The following CUX1 variants were observed in gnomAD, a reference collection of about 807,000 sequenced individuals.
CUX1 encodes the protein cut like homeobox 1.
In CUX1, 31 loss-of-function variants were observed where a neutral mutation model predicts 158.8. The observed-to-expected ratio is 0.20, with a 90% confidence interval of 0.15 to 0.26. CUX1 has a LOEUF of 0.26. Ranked by LOEUF, CUX1 falls within the 10% of genes least tolerant of loss-of-function variation. The pLI, the probability that CUX1 is intolerant of heterozygous loss-of-function variation, is 1.00. For synonymous variants in CUX1, 879 were observed against 862.1 expected (o/e 1.02, Z -0.34); for missense variants, 1,589 against 2,014.6 (o/e 0.79, Z 4.04).
At chr7:102,079,581 C>G (rs1554477869) in intron 4 of CUX1, among the ~76,000 whole-genome samples, 44 of 152,250 alleles carry the variant, frequency 2.9e-4, no homozygotes, top group Non-Finnish European at 1.5e-5. Context: ...TGTACGGTGA[C>G]TCCAGTCCAC....
chr7:102,185,095 G>A (rs1421656201), intron 11 of CUX1, among the ~76,000 whole-genome samples: 1 of 152,198 alleles, frequency 6.6e-6, no homozygotes, highest in African/African-American at 2.4e-5. Flanking sequence ...GACCCTGGGA[G>A]GTGACAGGCT....
chr7:101,845,826 T>A (rs1050197922), intron 1 of CUX1, among the ~76,000 whole-genome samples: 16 of 152,044 alleles, frequency 1.1e-4, no homozygotes, highest in African/African-American at 3.9e-4. Flanking sequence ...CTGGCCAACG[T>A]GGTAAAACCC....
intron 9 of CUX1, among the ~76,000 whole-genome samples, chr7:102,167,604 C>T (rs1389226529): frequency 6.6e-6 from 1 of 152,212 alleles, no homozygotes; most frequent in African/African-American, 2.4e-5. Context: ...GAAATATCTC[C>T]AAATACATCT....
At chr7:102,127,293 A>G (rs868918614) in intron 8 of CUX1, among the ~76,000 whole-genome samples, 1 of 151,952 alleles carries the variant, frequency 6.6e-6, no homozygotes, top group African/African-American at 2.4e-5. Context: ...TGCAGCCTCC[A>G]ACTCCTGGGC....
chr7:102,079,832 C>T (rs1312131061), intron 4 of CUX1, among the ~76,000 whole-genome samples: 1 of 152,192 alleles, frequency 6.6e-6, no homozygotes, highest in Non-Finnish European at 1.5e-5. Context: ...AATGTGCTGA[C>T]TCCTGTCCAG....
intron 1 of CUX1, among the ~76,000 whole-genome samples, chr7:101,849,709 C>G (rs1796071632): frequency 6.6e-6 from 1 of 152,048 alleles, no homozygotes; most frequent in Non-Finnish European, 1.5e-5. Flanking sequence ...CATGAGATTG[C>G]TGGATCGAAT....
Position 102,125,220 on chromosome 7 carries a change from G to A in CUX1, c.674+9947G>A, listed in dbSNP as rs537353093. Among the ~76,000 whole-genome samples the A allele has an allele frequency of 4.6e-5, 7 of 152,302 alleles. No individual in the cohort carries two copies. In the South Asian group the frequency reaches 1.5e-3, roughly 32 times the overall value. ...TGATGATGAGTGGGTCAGGGTTACC[G>A]CAGAGCTGAACGGCCTCTGTAGCGT... is the stretch of plus-strand genomic sequence containing the variant. On this transcript the variant is annotated intron_variant, in intron 8 of 23. Transcript: ENST00000292535.
intron 1 of CUX1, among the ~76,000 whole-genome samples, chr7:101,830,210 C>T (rs889383558): frequency 1.3e-5 from 2 of 152,184 alleles, no homozygotes; most frequent in African/African-American, 2.4e-5. Flanking sequence ...GCAGTGATAC[C>T]GCACTCAAAT....
rs1012373753 is a variant in CUX1, at chr7:101,916,499, C to A, written c.141+274C>A. ...TGGACAAGCTTGGTCTGTAAGAACA[C>A]GTGGGCAGGTGTGTGGGTGTCTCAG... On this transcript the variant is annotated intron_variant, in intron 2 of 23. Coordinates refer to ENST00000292535, the MANE Select transcript of CUX1 (RefSeq NM_181552.4). This position sits in a 1 kb window ranked among gnomAD's most constrained non-coding sequence, Gnocchi z 4.4. The A allele has an allele frequency of 5.7e-6, 2 of 351,494 alleles. No homozygotes were observed. The highest frequency in any genetic ancestry group is 1.1e-5 in the Non-Finnish European group (2 of 178,562). The allele number at this position is 351,494 out of a possible 1,614,324, so 21.8% of individuals were successfully genotyped here.
chr7:101,861,235 G>A (rs1354277099), intron 1 of CUX1, among the ~76,000 whole-genome samples: 2 of 152,148 alleles, frequency 1.3e-5, no homozygotes, highest in African/African-American at 4.8e-5. Flanking sequence ...TCCTTTAGCT[G>A]CGCCCACCAG....
At chr7:102,110,208 A>G (rs1554489657) in intron 6 of CUX1, among the ~76,000 whole-genome samples, 1 of 152,206 alleles carries the variant, frequency 6.6e-6, no homozygotes, top group Non-Finnish European at 1.5e-5. Context: ...ATTACACTAT[A>G]GTATCCTGCA....
chr7:101,861,793 C>G (rs1482694257), intron 1 of CUX1, among the ~76,000 whole-genome samples: 1 of 151,700 alleles, frequency 6.6e-6, no homozygotes. Flanking sequence ...GAGACGGAGC[C>G]TCACTCTGTG....
At chr7:102,111,907 G>A (rs1465192308) in intron 7 of CUX1, 133 bp downstream of exon 7, 6 of 707,278 alleles carry the variant, frequency 8.5e-6, no homozygotes, top group Admixed American at 7.6e-5. Flanking sequence ...GGGAGCCCAC[G>A]CTGAAGAATT....
chr7:102,067,073 A>G (rs1825625704), intron 3 of CUX1, among the ~76,000 whole-genome samples: 3 of 152,082 alleles, frequency 2.0e-5, no homozygotes, highest in Admixed American at 1.3e-4. Context: ...GTCACCACAG[A>G]CAATTGTAAA....
chr7:102,185,632 G>A (rs1445512348), intron 11 of CUX1, among the ~76,000 whole-genome samples: 1 of 151,302 alleles, frequency 6.6e-6, no homozygotes, highest in Non-Finnish European at 1.5e-5. Context: ...TAGAGACGGG[G>A]TCTTGCTATG....
At chr7:101,974,826 G>T (rs2129201234) in intron 2 of CUX1, among the ~76,000 whole-genome samples, 1 of 152,284 alleles carries the variant, frequency 6.6e-6, no homozygotes, top group African/African-American at 2.4e-5. Context: ...AAAGACAAGA[G>T]CGAGGAAGGC....
intron 8 of CUX1, among the ~76,000 whole-genome samples, chr7:102,131,419 C>T (rs758926933): frequency 1.3e-5 from 2 of 150,884 alleles, no homozygotes; most frequent in East Asian, 1.9e-4. Flanking sequence ...TTTGGGAGGC[C>T]GAGGCAGGAG....
At position 102,248,745 on chromosome 7, in the gene CUX1, C is replaced by T. The variant is rs1801109100; in HGVS notation, c.4221C>T (p.Ser1407=). The T allele has an allele frequency of 2.8e-6, 3 of 1,066,614 alleles. No homozygotes were observed. The highest frequency in any genetic ancestry group is 3.7e-5 in the South Asian group (1 of 26,990). The allele number at this position is 1,066,614 out of a possible 1,614,324, so 66.1% of individuals were successfully genotyped here. A position where few individuals can be genotyped will look rare whatever the true frequency, so the allele number is the denominator to read the frequency against. The change falls in exon 24 of 24, where the codon TCC becomes TCT. Residue 1407 remains serine, a synonymous_variant. Coordinates refer to ENST00000292535, the MANE Select transcript of CUX1 (RefSeq NM_181552.4). This position sits in a 1 kb window ranked among gnomAD's most constrained non-coding sequence, Gnocchi z 5.8. ...CGGGGCCCCTGCCCAGCCCCGCCTC[C>T]GCGACCGCCACCGCCGCGCCCGCGG... ...EGPGPLPSPA[S]ATATAAPAAP... is the part of the protein sequence containing the mutation.
At chr7:102,159,769 G>C (rs1252828867) in intron 9 of CUX1, among the ~76,000 whole-genome samples, 1 of 152,174 alleles carries the variant, frequency 6.6e-6, no homozygotes, top group Non-Finnish European at 1.5e-5. Context: ...GCTGAGGCAG[G>C]AGAATCACTT....
Sources: allele counts gnomAD v4.1 joint callset (sites outside exome capture counted in the v4.1 genomes callset), GRCh38; gene constraint gnomAD v4.1.1; non-coding constraint Gnocchi (gnomAD v3.1); transcripts MANE v1.5; gene names NCBI Gene and HGNC (gene_info 2026-07-23, HGNC 2026-07-21).